Variants in NAV2 observed in about 807,000 individuals in gnomAD.
NAV2 encodes helicase, APC down-regulated 1.
A neutral mutation model predicts 223.2 loss-of-function variants in NAV2; 54 were observed. The ratio of observed to expected loss-of-function variants is 0.24; its 90% CI spans 0.19 to 0.30. NAV2 has a LOEUF of 0.30. Ranked by LOEUF, NAV2 falls within the 10% of genes least tolerant of loss-of-function variation. The pLI is 1.00. For synonymous variants in NAV2, 1,279 were observed against 1,239.3 expected, an observed-to-expected ratio of 1.03 and a Z score of -0.67; for missense variants, 2,806 against 3,147.5, an observed-to-expected ratio of 0.89 and a Z score of 2.60.
At chr11:20,006,134 G>T (rs78249104) in intron 11 of NAV2, among the ~76,000 whole-genome samples, 7,751 of 152,218 alleles carry the variant, frequency 0.051, 242 homozygotes, top group South Asian at 0.13. Flanking sequence ...GGGTTCCTGC[G>T]TGAGGTGAGA....
chr11:20,002,230 T>C (rs1749834746), intron 11 of NAV2, among the ~76,000 whole-genome samples: 1 of 152,156 alleles, frequency 6.6e-6, no homozygotes, highest in Non-Finnish European at 1.5e-5. Context: ...GGGGGTTAGA[T>C]TTCAATGTGA....
intron 1 of NAV2, chr11:19,504,342 T>C (rs916314586): frequency 6.6e-6 from 1 of 152,220 alleles, no homozygotes; most frequent in African/African-American, 2.4e-5. Flanking sequence ...GATGGTGACA[T>C]TAAGATCTTT....
chr11:19,832,705 C>T (rs1396388589), intron 2 of NAV2, 104 bp downstream of exon 2: 2 of 864,224 alleles, frequency 2.3e-6, no homozygotes, highest in Non-Finnish European at 3.8e-6. Context: ...AGGCAGCTTT[C>T]TGTCTCATGT....
In NAV2 at chr11:19,818,289, T is replaced by C. The variant is rs114010622; in HGVS notation, c.268-14195T>C. 4.8e-3 allele frequency among the ~76,000 whole-genome samples: 662 copies of C among 139,226 alleles called. 6 individuals are homozygous for C. The highest frequency in any genetic ancestry group is 0.017 in the African/African-American group (631 of 36,782). 91.3% of individuals were successfully genotyped at this position (139,226 alleles called of 152,430 possible). A position where few individuals can be genotyped will look rare whatever the true frequency, so the allele number is the denominator to read the frequency against. On this transcript the variant is annotated intron_variant, in intron 1 of 37. Coordinates refer to ENST00000349880, the MANE Select transcript of NAV2 (RefSeq NM_145117.5). ...CTCCATCTCACCTGTCTATACTCAG[T>C]GACGTTTAACAGTTGGCTCTCCAAG... is the stretch of plus-strand genomic sequence containing the variant.
chr11:19,885,942 T>C (rs2625302), intron 5 of NAV2, among the ~76,000 whole-genome samples: 28,369 of 152,032 alleles, frequency 0.19, 3,153 homozygotes, highest in East Asian at 0.43. Flanking sequence ...CTCACTCTGT[T>C]ACCCAGGCTG....
At chr11:19,718,202 C>T (rs2050462008) in intron 1 of NAV2, among the ~76,000 whole-genome samples, 1 of 152,156 alleles carries the variant, frequency 6.6e-6, no homozygotes, top group Non-Finnish European at 1.5e-5. Flanking sequence ...AAATTAGGAC[C>T]ATGTGCAGAG....
intron 1 of NAV2, among the ~76,000 whole-genome samples, chr11:19,780,080 T>C (rs147472743): frequency 1.7e-3 from 262 of 152,346 alleles, no homozygotes; most frequent in South Asian, 6.8e-3. Flanking sequence ...ATTTTAAGGC[T>C]AATTGGATCA....
intron 1 of NAV2, among the ~76,000 whole-genome samples, chr11:19,774,690 A>G (rs1406572590): frequency 6.6e-6 from 1 of 152,178 alleles, no homozygotes; most frequent in African/African-American, 2.4e-5. Context: ...GGGTAAGTGC[A>G]TCATGGTAGA....
intron 35 of NAV2, chr11:20,107,441 G>T (rs1008119984): frequency 1.8e-6 from 1 of 569,160 alleles, no homozygotes; most frequent in African/African-American, 1.9e-5. Context: ...TCCCCATAAA[G>T]CCTTTCCTGG....
In NAV2 at chr11:19,949,055, A is replaced by C. The variant is rs1338812406; in HGVS notation, c.2620A>C (p.Ile874Leu). 6.2e-7 allele frequency: 1 copy of C among 1,610,600 alleles called. No individual in the cohort carries two copies. Among genetic ancestry groups the C allele is most frequent in the South Asian group, 1.1e-5 (1 of 90,736 alleles). ...CGACGGGGATGTTCTGAGCAAGAAC[A>C]TCCGGACCGATGACATTACAAGCGG... ...MSDGDVLSKN[I>L]RTDDITSGYM... is the part of the protein sequence containing the mutation. The change falls in exon 10 of 38, where the codon ATC becomes CTC. Residue 874 changes from isoleucine (I) to leucine (L), a missense_variant. This residue lies in a region of NAV2 where 1,167 missense variants were observed against 1,180.5 expected (regional missense o/e 0.99). Transcript: ENST00000349880.
intron 1 of NAV2, among the ~76,000 whole-genome samples, chr11:19,467,047 A>G (rs1852391737): frequency 6.8e-6 from 1 of 147,546 alleles, no homozygotes; most frequent in African/African-American, 2.5e-5. Flanking sequence ...AGAGAGAGAT[A>G]GATAGAGAGA....
intron 6 of NAV2, among the ~76,000 whole-genome samples, chr11:19,908,294 C>G (rs143244710): frequency 1.5e-4 from 23 of 152,158 alleles, no homozygotes; most frequent in African/African-American, 5.3e-4. Context: ...TGTGGGAGCT[C>G]TCAGGGCACT....
chr11:19,375,876 A>G (rs1848626065), intron 1 of NAV2, among the ~76,000 whole-genome samples: 1 of 152,164 alleles, frequency 6.6e-6, no homozygotes, highest in Non-Finnish European at 1.5e-5. Context: ...TCCACACAAG[A>G]TTCGTTTTTT....
intron 1 of NAV2, among the ~76,000 whole-genome samples, chr11:19,659,426 T>C (rs999471931): frequency 6.6e-6 from 1 of 152,120 alleles, no homozygotes; most frequent in African/African-American, 2.4e-5. Context: ...AGAAGGGTCT[T>C]AAGTGGGAGT....
chr11:19,956,000 C>T (rs2047824966), intron 10 of NAV2, among the ~76,000 whole-genome samples: 1 of 152,166 alleles, frequency 6.6e-6, no homozygotes, highest in South Asian at 2.1e-4. Context: ...TCTCGTTTCT[C>T]TAGGCCGATC....
At chr11:19,651,631 C>A (rs1373719373) in intron 1 of NAV2, among the ~76,000 whole-genome samples, 38 of 152,182 alleles carry the variant, frequency 2.5e-4, no homozygotes, top group Admixed American at 2.5e-3. Flanking sequence ...GCACATGACA[C>A]CCACTTTGAA....
chr11:20,039,169 G>A (rs1373009477), intron 12 of NAV2, among the ~76,000 whole-genome samples: 2 of 152,204 alleles, frequency 1.3e-5, no homozygotes, highest in Non-Finnish European at 2.9e-5. Context: ...GTGTCAGGGA[G>A]TAGGTGTGGA....
intron 10 of NAV2, among the ~76,000 whole-genome samples, chr11:19,956,333 G>T (rs1313686584): frequency 6.6e-6 from 1 of 151,464 alleles, no homozygotes; most frequent in Non-Finnish European, 1.5e-5. Context: ...TAAGGGCTCA[G>T]TTCCACAAGA....
intron 26 of NAV2, among the ~76,000 whole-genome samples, chr11:20,086,738 G>T (rs2060471274): frequency 6.6e-6 from 1 of 152,188 alleles, no homozygotes; most frequent in Admixed American, 6.5e-5. Flanking sequence ...ACAGTGTATG[G>T]TGATGGATCA....
Sources: gnomAD v4.1 joint callset for allele counts (sites outside exome capture counted in the v4.1 genomes callset) on GRCh38, gnomAD v4.1.1 for gene constraint, gnomAD v4.1.1 regional missense constraint, MANE v1.5 for transcripts, NCBI Gene and HGNC (gene_info 2026-07-23, HGNC 2026-07-21) for gene names.